AKAP6: variants seen among roughly 807,000 people sequenced by gnomAD.
AKAP6 encodes A-kinase anchoring protein 6, also known as A-kinase anchor protein 6.
A neutral mutation model predicts 188.5 loss-of-function variants in AKAP6; 58 were observed. The observed-to-expected ratio is 0.31, with a 90% CI of 0.25 to 0.38. The LOEUF (loss-of-function observed/expected upper bound fraction) is 0.38, where lower values mean the gene tolerates loss of function less well. AKAP6 is among the 10% of genes least tolerant of loss of function. The pLI is 1.00. For synonymous variants in AKAP6, 989 were observed against 998.6 expected, an observed-to-expected ratio of 0.99 and a Z score of 0.18; for missense variants, 2,710 against 2,740.0, an observed-to-expected ratio of 0.99 and a Z score of 0.24.
chr14:32,369,097 C>G (rs1162098208), intron 1 of AKAP6, among the ~76,000 whole-genome samples: 1 of 152,070 alleles, frequency 6.6e-6, no homozygotes, highest in South Asian at 2.1e-4. Flanking sequence ...AAGATGGGCA[C>G]TCTTCAAATG....
At chr14:32,778,273 C>T (rs954947484) in intron 12 of AKAP6, among the ~76,000 whole-genome samples, 1 of 152,038 alleles carries the variant, frequency 6.6e-6, no homozygotes, top group Non-Finnish European at 1.5e-5. Flanking sequence ...AAAATAGTAA[C>T]TATGTGGGTT....
At chr14:32,591,648 CTT>C (rs71432068) in intron 5 of AKAP6, among the ~76,000 whole-genome samples, 33,297 of 131,856 alleles carry the variant, frequency 0.25, 3,648 homozygotes, top group Middle Eastern at 0.31. Context: ...AGTGTCTTCT[CTT>C]TTTTTTTTTT....
chr14:32,427,127 T>C (rs1035698888), intron 1 of AKAP6, among the ~76,000 whole-genome samples: 1 of 152,194 alleles, frequency 6.6e-6, no homozygotes, highest in Non-Finnish European at 1.5e-5. Context: ...GGCTCCCCTA[T>C]TGACGTGCTG....
intron 1 of AKAP6, among the ~76,000 whole-genome samples, chr14:32,353,486 G>A (rs375110487): frequency 8.5e-5 from 13 of 152,254 alleles, no homozygotes; most frequent in South Asian, 2.1e-4. Context: ...GCGTCAACCC[G>A]GGCGGTAGAG....
chr14:32,797,396 A>G (rs1370379243), intron 12 of AKAP6, among the ~76,000 whole-genome samples: 3 of 152,226 alleles, frequency 2.0e-5, no homozygotes, highest in African/African-American at 4.8e-5. Context: ...GATAAAGAAT[A>G]TGTGGTAGAT....
intron 6 of AKAP6, 107 bp from the exon 7 acceptor site, chr14:32,600,522 A>T: frequency 8.1e-7 from 1 of 1,228,336 alleles, no homozygotes; most frequent in Non-Finnish European, 1.1e-6. Context: ...ATGGTCATTT[A>T]AAAATATTTA....
chr14:32,600,754 G>A lies in AKAP6; in HGVS notation c.2692G>A (p.Val898Met), dbSNP rs747902537. 2 of 1,613,022 alleles carry A rather than the reference G, an allele frequency of 1.2e-6. No individual in the cohort carries two copies. The highest frequency in any genetic ancestry group is 2.2e-5 in the East Asian group (1 of 44,852). The change falls in exon 7 of 14, where the codon GTG (valine) becomes ATG (methionine). Residue 898 changes from valine to methionine, a missense_variant. By Grantham distance (21) the Val-to-Met change is conservative. Coordinates refer to ENST00000280979, the MANE Select transcript of AKAP6 (RefSeq NM_004274.5). ...TIKAEILATD[V>M]SVEDEEGTGS... ...CAAAGCCGAGATACTGGCTACTGAT[G>A]TGTCTGTGGAGGATGAGGAAGGGAC...
In AKAP6 at chr14:32,658,847, A is replaced by G. The variant is rs372582232; in HGVS notation, c.2731-19464A>G. Among the ~76,000 whole-genome samples, 3 of 151,484 alleles carry G rather than the reference A, an allele frequency of 2.0e-5. No individual in the cohort carries two copies. In the South Asian group the frequency reaches 6.3e-4, roughly 32 times the overall value. On this transcript the variant is annotated intron_variant, in intron 7 of 13. Coordinates refer to ENST00000280979, the MANE Select transcript of AKAP6 (RefSeq NM_004274.5). ...CTGGCCAAAATTCTGTTTACTCACC[A>G]AGACCCAGTGAAAACACCACTTCTT...
intron 2 of AKAP6, among the ~76,000 whole-genome samples, chr14:32,493,499 C>T (rs758582656): frequency 3.9e-5 from 6 of 152,084 alleles, no homozygotes; most frequent in African/African-American, 1.2e-4. Context: ...GTGTGAGCTA[C>T]CGCACCCGGC....
chr14:32,819,509 C>T (rs1320705473), intron 12 of AKAP6, among the ~76,000 whole-genome samples: 3 of 152,114 alleles, frequency 2.0e-5, no homozygotes, highest in Admixed American at 6.5e-5. Flanking sequence ...CTGTGTGATA[C>T]CTCTGTCTTT....
intron 7 of AKAP6, among the ~76,000 whole-genome samples, chr14:32,619,518 T>A (rs1886726712): frequency 6.6e-6 from 1 of 152,196 alleles, no homozygotes; most frequent in Non-Finnish European, 1.5e-5. Context: ...TCTATTCTGT[T>A]CCATTGGTCT....
intron 12 of AKAP6, among the ~76,000 whole-genome samples, chr14:32,809,384 CT>C (rs1201964055): frequency 6.6e-6 from 1 of 152,206 alleles, no homozygotes; most frequent in Non-Finnish European, 1.5e-5. Flanking sequence ...CAATCTGACA[CT>C]TCCTTTTTTA....
chr14:32,399,100 C>T (rs1025755480), intron 1 of AKAP6, among the ~76,000 whole-genome samples: 1 of 152,004 alleles, frequency 6.6e-6, no homozygotes, highest in Non-Finnish European at 1.5e-5. Context: ...GCAATTCACC[C>T]GCCTTGGCCT....
At chr14:32,668,872 A>G (rs1889059265) in intron 7 of AKAP6, among the ~76,000 whole-genome samples, 1 of 152,134 alleles carries the variant, frequency 6.6e-6, no homozygotes, top group South Asian at 2.1e-4. Flanking sequence ...GAGTAATAAT[A>G]TTGAAATAAC....
intron 5 of AKAP6, among the ~76,000 whole-genome samples, chr14:32,583,310 C>G (rs531495941): frequency 6.6e-6 from 1 of 152,096 alleles, no homozygotes; most frequent in Non-Finnish European, 1.5e-5. Context: ...AGCGGATTTT[C>G]GTGAACCGCG....
chr14:32,446,063 A>G (rs1890746056), intron 2 of AKAP6, among the ~76,000 whole-genome samples: 1 of 152,208 alleles, frequency 6.6e-6, no homozygotes, highest in Non-Finnish European at 1.5e-5. Context: ...TGCATCAAAG[A>G]ATATTTAAAG....
intron 1 of AKAP6, among the ~76,000 whole-genome samples, chr14:32,428,713 T>A (rs575193838): frequency 4.6e-5 from 7 of 152,220 alleles, no homozygotes; most frequent in Non-Finnish European, 1.0e-4. Context: ...ACTTTTCTGA[T>A]TTAAATGTGT....
rs1464412914 is a variant in AKAP6, at chr14:32,606,820, T to C, written c.2730+6028T>C. 2.0e-5 allele frequency among the ~76,000 whole-genome samples: 3 copies of C among 152,192 alleles called. No homozygotes were observed. The East Asian group carries it at 5.8e-4, about 29-fold the overall frequency. ...GTCATCAATGTTATCTGTTCAACAA[T>C]AACAGAACAGCAAGCTTAAGGATAT... On this transcript the variant is annotated intron_variant, in intron 7 of 13. Coordinates refer to ENST00000280979, the MANE Select transcript of AKAP6 (RefSeq NM_004274.5).
rs183075131 is a variant in AKAP6 at position 32,643,558 on chromosome 14, G to A, written c.2731-34753G>A. On this transcript the variant is annotated intron_variant, in intron 7 of 13. Coordinates refer to ENST00000280979, the MANE Select transcript of AKAP6 (RefSeq NM_004274.5). ...CCTGACCTTGTGATCTGCCCGCCTC[G>A]GCCTCCCAAAGTGTTGGGATTACAG... 9.7e-4 allele frequency among the ~76,000 whole-genome samples: 148 copies of A among 152,016 alleles called. 2 individuals carry two copies. Among genetic ancestry groups the A allele is most frequent in the African/African-American group, 3.3e-3 (136 of 41,480 alleles).
Sources: gnomAD v4.1 joint callset for allele counts (sites outside exome capture counted in the v4.1 genomes callset) on GRCh38, gnomAD v4.1.1 for gene constraint, MANE v1.5 for transcripts, NCBI Gene and HGNC (gene_info 2026-07-23, HGNC 2026-07-21) for gene names.